Variants in RBFOX1 observed in about 807,000 individuals in gnomAD.
The protein encoded by RBFOX1 is RNA binding fox-1 homolog 1.
A neutral mutation model predicts 57.7 loss-of-function variants in RBFOX1; 8 were observed. That is an observed-to-expected ratio of 0.14 (90% CI 0.08 to 0.25). The LOEUF is 0.25. Ranked by LOEUF, RBFOX1 falls within the 10% of genes least tolerant of loss-of-function variation. The pLI is 1.00. For missense variants in RBFOX1, 611 were observed against 548.5 expected, an observed-to-expected ratio of 1.11 and a Z score of -1.14; for synonymous variants, 326 against 222.4, an observed-to-expected ratio of 1.47 and a Z score of -4.15.
intron 2 of RBFOX1, among the ~76,000 whole-genome samples, chr16:6,403,329 G>T (rs1342475748): frequency 1.3e-5 from 2 of 152,124 alleles, no homozygotes; most frequent in African/African-American, 2.4e-5. Context: ...GCAATAAGGG[G>T]TGGCTTGCTT....
intron 3 of RBFOX1, among the ~76,000 whole-genome samples, chr16:5,628,647 A>G (rs955941774): frequency 2.0e-5 from 3 of 152,230 alleles, no homozygotes; most frequent in African/African-American, 7.2e-5. Flanking sequence ...CACAGCTGAG[A>G]CAGCTGCTGG....
intron 2 of RBFOX1, among the ~76,000 whole-genome samples, chr16:6,584,730 C>T (rs2097583263): frequency 6.6e-6 from 1 of 152,032 alleles, no homozygotes; most frequent in African/African-American, 2.4e-5. Context: ...GTCCTTCCAC[C>T]CTCAGCTGGA....
At chr16:6,171,680 A>G (rs1366352531) in intron 1 of RBFOX1, among the ~76,000 whole-genome samples, 1 of 152,156 alleles carries the variant, frequency 6.6e-6, no homozygotes, top group African/African-American at 2.4e-5. Context: ...AGCATAAGTG[A>G]CTTGTGGACA....
intron 2 of RBFOX1, among the ~76,000 whole-genome samples, chr16:6,506,448 A>C (rs996903356): frequency 5.9e-5 from 9 of 152,032 alleles, no homozygotes; most frequent in Non-Finnish European, 1.2e-4. Context: ...TTCGTGGTCA[A>C]AGGCAGTGAG....
chr16:7,551,088 CAAAA>C (rs539169022), intron 5 of RBFOX1, among the ~76,000 whole-genome samples: 2 of 76,734 alleles, frequency 2.6e-5, no homozygotes. Flanking sequence ...GAGCGAGACT[CAAAA>C]AAAAAAAAAA....
intron 3 of RBFOX1, among the ~76,000 whole-genome samples, chr16:5,622,744 C>T (rs942034951): frequency 6.6e-6 from 1 of 152,296 alleles, no homozygotes; most frequent in African/African-American, 2.4e-5. Flanking sequence ...GACTGTGTGG[C>T]CCTCAAAGCC....
chr16:7,240,035 C>G (rs1225715261), intron 4 of RBFOX1, among the ~76,000 whole-genome samples: 2 of 152,168 alleles, frequency 1.3e-5, no homozygotes, highest in Non-Finnish European at 2.9e-5. Flanking sequence ...GCTGCAATGT[C>G]TGCTCACTAG....
chr16:7,035,267 G>A (rs113924678), intron 3 of RBFOX1, among the ~76,000 whole-genome samples: 17 of 152,126 alleles, frequency 1.1e-4, no homozygotes, highest in African/African-American at 3.4e-4. Flanking sequence ...TTGGGATTCC[G>A]CACCCTCCCC....
At chr16:5,320,797 G>A (rs533637523) in intron 1 of RBFOX1, among the ~76,000 whole-genome samples, 3 of 152,280 alleles carry the variant, frequency 2.0e-5, no homozygotes, top group African/African-American at 4.8e-5. Context: ...TGAGTAGAGA[G>A]AGCTGGGGGC....
chr16:6,216,290 T>A (rs2097335448), intron 1 of RBFOX1, among the ~76,000 whole-genome samples: 1 of 151,496 alleles, frequency 6.6e-6, no homozygotes, highest in Admixed American at 6.6e-5. Context: ...AATAAAAGTA[T>A]AAAAACCCCA....
At chr16:7,056,312 C>G (rs533226831) in intron 4 of RBFOX1, among the ~76,000 whole-genome samples, 3 of 152,290 alleles carry the variant, frequency 2.0e-5, no homozygotes, top group South Asian at 4.1e-4. Flanking sequence ...ATTCCTCCGT[C>G]CCAAGGTTTG....
At chr16:7,136,980 C>T (rs2072202046) in intron 4 of RBFOX1, among the ~76,000 whole-genome samples, 1 of 152,206 alleles carries the variant, frequency 6.6e-6, no homozygotes. Flanking sequence ...CCATGCCCTG[C>T]CTCCCTGCAA....
intron 4 of RBFOX1, among the ~76,000 whole-genome samples, chr16:5,874,172 T>G (rs2057546490): frequency 6.6e-6 from 1 of 152,168 alleles, no homozygotes; most frequent in South Asian, 2.1e-4. Context: ...AACAGCAGCC[T>G]TTCCAATGTG....
At chr16:5,507,502 C>G (rs2043419286) in intron 2 of RBFOX1, among the ~76,000 whole-genome samples, 1 of 152,098 alleles carries the variant, frequency 6.6e-6, no homozygotes, top group South Asian at 2.1e-4. Flanking sequence ...TGGCAGAGAG[C>G]CACGTACTCT....
chr16:6,895,480 A>ATATATC (rs2066641103), intron 3 of RBFOX1, among the ~76,000 whole-genome samples: 1 of 97,216 alleles, frequency 1.0e-5, no homozygotes, highest in Non-Finnish European at 2.1e-5. Context: ...ATATATATAT[A>ATATATC]TATATATTTA....
intron 3 of RBFOX1, among the ~76,000 whole-genome samples, chr16:5,741,581 T>G (rs1037012864): frequency 1.3e-5 from 2 of 152,196 alleles, no homozygotes; most frequent in Non-Finnish European, 2.9e-5. Context: ...AAAACATATT[T>G]TATACACAAT....
chr16:6,705,905 C>G (rs1387249018), intron 3 of RBFOX1, among the ~76,000 whole-genome samples: 1 of 152,120 alleles, frequency 6.6e-6, no homozygotes, highest in African/African-American at 2.4e-5. Context: ...CTAGTCCCAA[C>G]TACTCAGGAG....
At chr16:7,258,308 A>G (rs1186038477) in intron 4 of RBFOX1, among the ~76,000 whole-genome samples, 1 of 152,210 alleles carries the variant, frequency 6.6e-6, no homozygotes, top group East Asian at 1.9e-4. Context: ...CGTATTTTAT[A>G]CATTAAAATG....
chr16:6,631,874 C>G (rs2098389248), intron 2 of RBFOX1, among the ~76,000 whole-genome samples: 1 of 151,916 alleles, frequency 6.6e-6, no homozygotes, highest in African/African-American at 2.4e-5. Flanking sequence ...ATTTGAGAAG[C>G]TGTAAGAAGG....
Sources: allele counts gnomAD v4.1 joint callset (sites outside exome capture counted in the v4.1 genomes callset), GRCh38; gene constraint gnomAD v4.1.1; transcripts MANE v1.5; gene names NCBI Gene and HGNC (gene_info 2026-07-23, HGNC 2026-07-21).